PARG: variants seen among roughly 807,000 people sequenced by gnomAD.
PARG encodes the protein poly(ADP-ribose) glycohydrolase, also known as mitochondrial poly(ADP-ribose) glycohydrolase.
In PARG, 35 loss-of-function variants were observed where a neutral mutation model predicts 113.0. The observed-to-expected ratio is 0.31, with a 90% CI of 0.24 to 0.41. The LOEUF (loss-of-function observed/expected upper bound fraction) is 0.41, where lower values mean the gene tolerates loss of function less well. Among genes scored for constraint, PARG ranks in the 10% least tolerant of loss-of-function variants. The pLI, the probability that PARG is intolerant of heterozygous loss-of-function variation, is 1.00. For missense variants in PARG, 797 were observed against 1,169.4 expected (o/e 0.68, Z 4.64); for synonymous variants, 330 against 409.9 (o/e 0.81, Z 2.36).
intron 16 of PARG, among the ~76,000 whole-genome samples, chr10:49,828,092 CAAAAAAAAAAAA>C (rs71026274): frequency 9.9e-5 from 5 of 50,410 alleles, no homozygotes; most frequent in Admixed American, 3.3e-4. Context: ...AAAGCTTAAA[CAAAAAAAAAAAA>C]AAAAAAAAAA....
intron 7 of PARG, among the ~76,000 whole-genome samples, chr10:49,901,880 GACCTAGT>G (rs1848361922): frequency 6.6e-6 from 1 of 152,188 alleles, no homozygotes; most frequent in African/African-American, 2.4e-5. Flanking sequence ...CCTTAGGGAT[GACCTAGT>G]ACATTTCTAT....
intron 16 of PARG, among the ~76,000 whole-genome samples, chr10:49,827,025 C>A (rs1844393993): frequency 6.6e-6 from 1 of 152,224 alleles, no homozygotes; most frequent in Non-Finnish European, 1.5e-5. Context: ...TCAGCCACGT[C>A]AAGCAACAGT....
At chr10:49,928,000 A>G (rs1554851122) in intron 4 of PARG, among the ~76,000 whole-genome samples, 1 of 151,516 alleles carries the variant, frequency 6.6e-6, no homozygotes, top group Non-Finnish European at 1.5e-5. Flanking sequence ...GGCCAGGAAC[A>G]GTGGCTCCCA....
intron 7 of PARG, among the ~76,000 whole-genome samples, chr10:49,911,143 C>A (rs1256224604): frequency 2.6e-5 from 4 of 151,888 alleles, no homozygotes; most frequent in Non-Finnish European, 5.9e-5. Context: ...ATTAGCCTGG[C>A]GTGGTGGTGG....
chr10:49,921,412 T>C (rs1837862627), intron 6 of PARG, among the ~76,000 whole-genome samples: 2 of 152,180 alleles, frequency 1.3e-5, no homozygotes, highest in African/African-American at 4.8e-5. Flanking sequence ...AAATAAACAG[T>C]CTGCTTTTCT....
chr10:49,820,722 CAAA>C (rs35420602), intron 16 of PARG, among the ~76,000 whole-genome samples: 4 of 124,400 alleles, frequency 3.2e-5, no homozygotes, highest in African/African-American at 3.3e-5. Context: ...GACTCCATCT[CAAA>C]AAAAAAAAAA....
At chr10:49,842,678 T>C (rs1845302971) in intron 14 of PARG, among the ~76,000 whole-genome samples, 1 of 152,230 alleles carries the variant, frequency 6.6e-6, no homozygotes, top group Non-Finnish European at 1.5e-5. Context: ...TTTGGAAACA[T>C]GTAAAATCCC....
chr10:49,929,837 A>G (rs1385257948), intron 4 of PARG, among the ~76,000 whole-genome samples: 127 of 151,838 alleles, frequency 8.4e-4, no homozygotes, highest in Non-Finnish European at 1.5e-3. Context: ...AAAAAAAAAA[A>G]AAAAAAAGAA....
At chr10:49,880,101 T>C (rs1264959962) in intron 8 of PARG, among the ~76,000 whole-genome samples, 5 of 151,748 alleles carry the variant, frequency 3.3e-5, no homozygotes, top group Non-Finnish European at 5.9e-5. Context: ...AAAAACAAGA[T>C]TGCTTCAGCA....
chr10:49,890,777 C>A (rs1847736491), intron 7 of PARG, among the ~76,000 whole-genome samples: 1 of 152,184 alleles, frequency 6.6e-6, no homozygotes, highest in Admixed American at 6.5e-5. Context: ...TTACTTATTT[C>A]TTCTTTCTTT....
intron 16 of PARG, among the ~76,000 whole-genome samples, chr10:49,831,939 G>A (rs12774346): frequency 0.19 from 28,935 of 152,080 alleles, 3,296 homozygotes; most frequent in Non-Finnish European, 0.27. Flanking sequence ...AGTCTGAAGT[G>A]GGGGCAGTCT....
rs1309493723 is a variant in PARG, at chr10:49,920,477, T to A, written c.1662+1859A>T. 2.2e-3 allele frequency among the ~76,000 whole-genome samples: 201 copies of A among 92,128 alleles called. 4 individuals carry two copies. Among genetic ancestry groups the A allele is most frequent in the African/African-American group, 6.1e-3 (152 of 24,940 alleles). 60.4% of individuals were successfully genotyped at this position (92,128 alleles called of 152,430 possible). ...AAAAAAAAAAAAATATATATATATA[T>A]ATATATATATATATATATATACACA... On this transcript the variant is annotated intron_variant, in intron 6 of 17. Coordinates refer to ENST00000616448, the MANE Select transcript of PARG (RefSeq NM_003631.5).
Position 49,853,024 on chromosome 10 carries a change from TA to T in PARG, c.2353+4281del, listed in dbSNP as rs1304201606. ...TTCAATCCAAATCTACCTTAACAGC[TA>T]AAAAAAAAATTTTTTTTTTTTTTTT... On this transcript the variant is annotated intron_variant, in intron 13 of 17. Coordinates refer to ENST00000616448, the MANE Select transcript of PARG (RefSeq NM_003631.5). 1.9e-3 allele frequency among the ~76,000 whole-genome samples: 281 copies of T among 147,536 alleles called. 3 individuals carry two copies. Among genetic ancestry groups the T allele is most frequent in the African/African-American group, 6.5e-3 (264 of 40,382 alleles).
rs186412227 is a variant in PARG at position 49,920,122 on chromosome 10, T to C, written c.1662+2214A>G. On this transcript the variant is annotated intron_variant, in intron 6 of 17. Coordinates refer to ENST00000616448, the MANE Select transcript of PARG (RefSeq NM_003631.5). ...AATTTTAAAAAAAATCACACTGATATAGCTGTATAAGCACTACAGGTATAA... is the reference window on the plus strand; with the variant it reads ...AATTTTAAAAAAAATCACACTGATACAGCTGTATAAGCACTACAGGTATAA... Among the ~76,000 whole-genome samples, 232 of 152,102 alleles carry C rather than the reference T, an allele frequency of 1.5e-3. 1 individual carries two copies. Among genetic ancestry groups the C allele is most frequent in the African/African-American group, 5.3e-3 (222 of 41,496 alleles).
At chr10:49,848,155 C>T (rs1335394938) in intron 13 of PARG, among the ~76,000 whole-genome samples, 25 of 147,940 alleles carry the variant, frequency 1.7e-4, no homozygotes, top group Non-Finnish European at 3.3e-4. Context: ...TCGAGACCAT[C>T]GTGGCCAACG....
intron 8 of PARG, 83 bp downstream of exon 8, chr10:49,885,120 C>G (rs868991645): frequency 6.7e-5 from 52 of 781,296 alleles, no homozygotes; most frequent in African/African-American, 2.0e-4. Flanking sequence ...CTCTCTCTCT[C>G]TGTGTGACCC....
chr10:49,864,163 A>T (rs189110614), intron 11 of PARG, among the ~76,000 whole-genome samples: 1 of 151,974 alleles, frequency 6.6e-6, no homozygotes, highest in African/African-American at 2.4e-5. Flanking sequence ...TGCAGGTATT[A>T]CAGAGCTGAT....
At chr10:49,884,268 T>A (rs530422543) in intron 8 of PARG, among the ~76,000 whole-genome samples, 1 of 152,254 alleles carries the variant, frequency 6.6e-6, no homozygotes, top group African/African-American at 2.4e-5. Flanking sequence ...TAGCAATATA[T>A]AATTAACGTA....
chr10:49,860,098 A>G (rs1420729717), intron 12 of PARG, among the ~76,000 whole-genome samples: 2 of 152,098 alleles, frequency 1.3e-5, no homozygotes, highest in Admixed American at 1.3e-4. Context: ...GTAGCATTGC[A>G]ATACAATATT....
Sources: gnomAD v4.1 joint callset for allele counts (sites outside exome capture counted in the v4.1 genomes callset) on GRCh38, gnomAD v4.1.1 for gene constraint, MANE v1.5 for transcripts, NCBI Gene and HGNC (gene_info 2026-07-23, HGNC 2026-07-21) for gene names.